The following PFKFB3 variants were observed in gnomAD, a reference collection of about 807,000 sequenced individuals.
The protein encoded by PFKFB3 is 6-phosphofructo-2-kinase/fructose-2,6-bisphosphatase 3.
Under a neutral mutation model 68.0 loss-of-function variants are expected in PFKFB3, and 33 were observed. That is an observed-to-expected ratio of 0.49 (90% CI 0.37 to 0.65). PFKFB3 has a LOEUF of 0.65. PFKFB3 is among the 30% of genes least tolerant of loss of function. The pLI is 0.00. For missense variants in PFKFB3, 586 were observed against 712.2 expected, an observed-to-expected ratio of 0.82 and a Z score of 2.02; for synonymous variants, 315 against 288.2, an observed-to-expected ratio of 1.09 and a Z score of -0.94.
downstream of PFKFB3, among the ~76,000 whole-genome samples, chr10:6,237,961 T>C (rs1412580400): frequency 6.8e-6 from 1 of 148,016 alleles, no homozygotes; most frequent in Non-Finnish European, 1.5e-5. Context: ...AGCCGGTCTT[T>C]CCAGTCAATT....
chr10:6,281,374 AG>A, the PFKFB3 span, among the ~76,000 whole-genome samples: 1 of 151,862 alleles, frequency 6.6e-6, no homozygotes, highest in Admixed American at 6.6e-5. Context: ...ACTGCATCCT[AG>A]GGCATACAGA....
At chr10:6,188,515 C>T (rs1371923062) in intron 1 of PFKFB3, among the ~76,000 whole-genome samples, 1 of 151,652 alleles carries the variant, frequency 6.6e-6, no homozygotes, top group African/African-American at 2.4e-5. Context: ...ACAAAATCTA[C>T]CATCTTAATC....
In PFKFB3 at chr10:6,154,118, G is replaced by A. The variant is rs534416464; in HGVS notation, c.16+9105G>A. 2.6e-5 allele frequency among the ~76,000 whole-genome samples: 4 copies of A among 152,324 alleles called. No homozygotes were observed. The East Asian group carries it at 7.7e-4, about 29-fold the overall frequency. On this transcript the variant is annotated intron_variant, in intron 1 of 14. Coordinates refer to the PFKFB3 transcript ENST00000379789. This position sits in a 1 kb window ranked among gnomAD's most constrained non-coding sequence, Gnocchi z 4.6. ...CTGCAGGGTGAGAGGGTGGAAGCCA[G>A]GTGGACACAGGCTTAGGAAGGGAGT...
the PFKFB3 span, among the ~76,000 whole-genome samples, chr10:6,319,581 C>T: frequency 5.3e-5 from 8 of 152,180 alleles, no homozygotes; most frequent in African/African-American, 1.9e-4. Flanking sequence ...GTTACCCTAA[C>T]AGCCCAGACT....
At chr10:6,201,256 G>A (rs113757458), upstream of PFKFB3, among the ~76,000 whole-genome samples, 1,810 of 151,806 alleles carry the variant, frequency 0.012, 35 homozygotes, top group African/African-American at 0.042. The surrounding 1 kb of genome is among the most constrained non-coding windows in gnomAD (Gnocchi z 4.1). Context: ...AGTGGAGTGG[G>A]ACTCTCCCCT....
the PFKFB3 span, among the ~76,000 whole-genome samples, chr10:6,319,904 C>T: frequency 6.6e-6 from 1 of 152,230 alleles, no homozygotes; most frequent in African/African-American, 2.4e-5. Context: ...GGTCAATAAA[C>T]ATAAATGAAC....
At chr10:6,159,933 T>C (rs953791547) in intron 1 of PFKFB3, among the ~76,000 whole-genome samples, 11 of 151,632 alleles carry the variant, frequency 7.3e-5, no homozygotes, top group Non-Finnish European at 1.3e-4. Flanking sequence ...TATTGTTTTT[T>C]TTTTTAATAG....
chr10:6,277,525 G>A, the PFKFB3 span, among the ~76,000 whole-genome samples: 1 of 151,974 alleles, frequency 6.6e-6, no homozygotes, highest in African/African-American at 2.4e-5. Context: ...CCGGCCGTGG[G>A]GGTGGTTTCT....
intron 1 of PFKFB3, among the ~76,000 whole-genome samples, chr10:6,151,086 C>T (rs571483883): frequency 2.6e-5 from 4 of 152,246 alleles, no homozygotes; most frequent in East Asian, 1.9e-4. Context: ...GCGGTTGAGA[C>T]GGTGGACCAG....
the PFKFB3 span, among the ~76,000 whole-genome samples, chr10:6,276,476 A>G: frequency 1.3e-5 from 2 of 152,082 alleles, no homozygotes; most frequent in African/African-American, 4.8e-5. Context: ...TTAGCTGCAG[A>G]CAGGATAGTT....
At chr10:6,237,274 C>T (rs542819754), downstream of PFKFB3, among the ~76,000 whole-genome samples, 36 of 152,368 alleles carry the variant, frequency 2.4e-4, no homozygotes, top group East Asian at 4.1e-3. Context: ...CCTAAGATCC[C>T]GGAGAGCAGG....
intron 1 of PFKFB3, among the ~76,000 whole-genome samples, chr10:6,169,464 C>T (rs542710267): frequency 2.0e-5 from 3 of 150,404 alleles, no homozygotes; most frequent in Admixed American, 6.6e-5. Context: ...AGGAGACTGG[C>T]GTCACCCATA....
chr10:6,194,511 G>A (rs117373924), intron 1 of PFKFB3, among the ~76,000 whole-genome samples: 73 of 152,332 alleles, frequency 4.8e-4, no homozygotes, highest in East Asian at 3.9e-3. Context: ...TTGTTGGAGG[G>A]GGATGCAGGC....
intron 1 of PFKFB3, among the ~76,000 whole-genome samples, chr10:6,162,095 A>G (rs751862209): frequency 6.6e-6 from 1 of 152,180 alleles, no homozygotes; most frequent in African/African-American, 2.4e-5. Flanking sequence ...CTGTCTCTGA[A>G]TCTGACTATT....
chr10:6,314,040 C>T, the PFKFB3 span, among the ~76,000 whole-genome samples: 11 of 152,310 alleles, frequency 7.2e-5, no homozygotes, highest in African/African-American at 2.2e-4. Flanking sequence ...AACTGTGCAG[C>T]GTCCCTTGAC....
chr10:6,145,041 C>G (rs987706728), intron 1 of PFKFB3: 2 of 1,318,750 alleles, frequency 1.5e-6, no homozygotes, highest in Non-Finnish European at 1.9e-6. Flanking sequence ...GCGGCCCACG[C>G]CCCCAGCGCG....
intron 1 of PFKFB3, among the ~76,000 whole-genome samples, chr10:6,147,111 G>A (rs1036149007): frequency 6.6e-6 from 1 of 152,172 alleles, no homozygotes; most frequent in Admixed American, 6.5e-5. Context: ...GCCAGGCCGC[G>A]GCTGGGTTTG....
intron 6 of PFKFB3, among the ~76,000 whole-genome samples, chr10:6,217,424 C>A (rs1053158570): frequency 1.3e-5 from 2 of 152,154 alleles, no homozygotes; most frequent in African/African-American, 4.8e-5. Flanking sequence ...TTGGATGGGA[C>A]GTAGGAAATA....
intron 6 of PFKFB3, among the ~76,000 whole-genome samples, chr10:6,218,836 A>C (rs1438298979): frequency 6.6e-6 from 1 of 152,238 alleles, no homozygotes; most frequent in Non-Finnish European, 1.5e-5. Context: ...TCCCCGGCTG[A>C]AACTGTGCCA....
Sources: allele counts gnomAD v4.1 joint callset (sites outside exome capture counted in the v4.1 genomes callset), GRCh38; gene constraint gnomAD v4.1.1; non-coding constraint Gnocchi (gnomAD v3.1); transcripts MANE v1.5; gene names NCBI Gene and HGNC (gene_info 2026-07-23, HGNC 2026-07-21).